Variants in C9orf85 observed in about 807,000 individuals in gnomAD.
C9orf85 encodes uncharacterized protein C9orf85.
A neutral mutation model predicts 14.9 loss-of-function variants in C9orf85; 16 were observed. That is an observed-to-expected ratio of 1.08 (90% confidence interval 0.73 to 1.63). The LOEUF (loss-of-function observed/expected upper bound fraction) is 1.63, where lower values mean the gene tolerates loss of function less well. Ranked by LOEUF, C9orf85 falls within the 40% of genes most tolerant of loss-of-function variation. C9orf85 has a pLI of 0.00. For synonymous variants in C9orf85, 45 were observed against 56.8 expected (o/e 0.79, Z 0.93); for missense variants, 172 against 186.1 (o/e 0.92, Z 0.44).
At chr9:71,916,459 A>G (rs974155003) in intron 1 of C9orf85, among the ~76,000 whole-genome samples, 2 of 152,134 alleles carry the variant, frequency 1.3e-5, no homozygotes, top group African/African-American at 2.4e-5. Flanking sequence ...ACATTGGAAT[A>G]AATCAATGTT....
chr9:71,912,915 T>C (rs1305001370), intron 1 of C9orf85, among the ~76,000 whole-genome samples: 1 of 152,074 alleles, frequency 6.6e-6, no homozygotes, highest in African/African-American at 2.4e-5. Context: ...ATTTGCTCTT[T>C]GCTGTGAATC....
At chr9:71,928,457 G>A (rs747019488) in intron 1 of C9orf85, among the ~76,000 whole-genome samples, 15 of 152,256 alleles carry the variant, frequency 9.9e-5, no homozygotes, top group South Asian at 4.1e-4. Context: ...AGCATAATGC[G>A]GAGTACATAC....
chr9:71,939,659 C>A, intron 1 of C9orf85, among the ~76,000 whole-genome samples: 1 of 151,970 alleles, frequency 6.6e-6, no homozygotes, highest in African/African-American at 2.4e-5. Context: ...AATAGCCAAA[C>A]AATTTTGGAA....
intron 2 of C9orf85, among the ~76,000 whole-genome samples, chr9:71,963,072 T>C (rs547671310): frequency 4.3e-4 from 66 of 152,096 alleles, no homozygotes; most frequent in Non-Finnish European, 8.2e-4. Flanking sequence ...AAAAAAAGGT[T>C]GTGTTACTAT....
intron 1 of C9orf85, among the ~76,000 whole-genome samples, chr9:71,919,757 A>T (rs1827745863): frequency 6.6e-6 from 1 of 152,030 alleles, no homozygotes; most frequent in African/African-American, 2.4e-5. Flanking sequence ...TCTCTCTTTC[A>T]CACAGCATAA....
chr9:71,975,566 C>G (rs1053146989), downstream of C9orf85, among the ~76,000 whole-genome samples: 1 of 152,182 alleles, frequency 6.6e-6, no homozygotes, highest in African/African-American at 2.4e-5. Context: ...GGCGTGTTGC[C>G]TCACGCCTGT....
chr9:71,941,721 G>C (rs532373538), intron 1 of C9orf85: 1 of 152,304 alleles, frequency 6.6e-6, no homozygotes, highest in Admixed American at 6.5e-5. Context: ...AAACAGCTCT[G>C]AAAGCTGTCT....
chr9:71,919,510 A>T (rs1827739054), intron 1 of C9orf85, among the ~76,000 whole-genome samples: 1 of 152,110 alleles, frequency 6.6e-6, no homozygotes, highest in South Asian at 2.1e-4. Flanking sequence ...ATATTCTTTG[A>T]TATGTTTCCC....
chr9:71,933,012 A>G (rs1828106216), intron 1 of C9orf85, among the ~76,000 whole-genome samples: 1 of 152,200 alleles, frequency 6.6e-6, no homozygotes, highest in Admixed American at 6.5e-5. Context: ...GGCATTTTTG[A>G]GCAGCCAGAA....
chr9:71,939,522 G>A (rs1828278252), intron 1 of C9orf85, among the ~76,000 whole-genome samples: 1 of 152,116 alleles, frequency 6.6e-6, no homozygotes, highest in African/African-American at 2.4e-5. Flanking sequence ...TTGTTAAGAT[G>A]TCAGTTCTTC....
chr9:71,927,556 C>G lies in C9orf85; in HGVS notation c.102+15720C>G, dbSNP rs546532561. Among the ~76,000 whole-genome samples, 9 of 152,122 alleles carry G rather than the reference C, an allele frequency of 5.9e-5. No individual in the cohort carries two copies. The South Asian group carries it at 1.9e-3, about 32-fold the overall frequency. On this transcript the variant is annotated intron_variant, in intron 1 of 3. Coordinates refer to ENST00000334731, the MANE Select transcript of C9orf85 (RefSeq NM_182505.5). ...TTGTCTTGTTTGGGTGGTGGAGAAG[C>G]CACAAACAAGAAAAATCAGTATTGC...
At chr9:71,923,037 G>T (rs1476055210) in intron 1 of C9orf85, among the ~76,000 whole-genome samples, 1 of 152,184 alleles carries the variant, frequency 6.6e-6, no homozygotes, top group Non-Finnish European at 1.5e-5. Flanking sequence ...GGCTGGAGTG[G>T]GAGAATTGCA....
At chr9:71,985,615 C>T (rs1034100179), downstream of C9orf85, 6 of 152,268 alleles carry the variant, frequency 3.9e-5, no homozygotes, top group Admixed American at 3.9e-4. Context: ...ACATTAAAAT[C>T]ATCTGGGCAA....
downstream of C9orf85, among the ~76,000 whole-genome samples, chr9:71,976,382 G>A (rs1364780316): frequency 6.6e-6 from 1 of 152,134 alleles, no homozygotes; most frequent in Non-Finnish European, 1.5e-5. Context: ...AAAATTATTG[G>A]CCGGGCACGG....
chr9:71,980,437 C>T lies in C9orf85; in HGVS notation c.324-2220C>T, dbSNP rs562868121. 1.8e-3 allele frequency among the ~76,000 whole-genome samples: 272 copies of T among 152,106 alleles called. 1 individual carries two copies. Among genetic ancestry groups the T allele is most frequent in the African/African-American group, 6.2e-3 (258 of 41,482 alleles). ...AATGAATTGGCCCTGGGGAAATTGC[C>T]GTGACCAGCTGAGGTTAGAAAAGAT... On this transcript the variant is annotated intron_variant, in intron 3 of 3. Coordinates refer to the C9orf85 transcript ENST00000377031.
intron 2 of C9orf85, among the ~76,000 whole-genome samples, chr9:71,963,704 A>C (rs1822596075): frequency 6.6e-6 from 1 of 152,168 alleles, no homozygotes. Flanking sequence ...CAGAGGGTGT[A>C]CTGGGTCCCC....
intron 1 of C9orf85, among the ~76,000 whole-genome samples, chr9:71,938,745 A>T (rs1411950963): frequency 6.6e-6 from 1 of 151,766 alleles, no homozygotes; most frequent in Non-Finnish European, 1.5e-5. Flanking sequence ...TTATGTATAA[A>T]TATAATGGGA....
At chr9:71,970,563 T>C (rs1277418696) in intron 2 of C9orf85, among the ~76,000 whole-genome samples, 1 of 152,178 alleles carries the variant, frequency 6.6e-6, no homozygotes, top group Non-Finnish European at 1.5e-5. Flanking sequence ...CCTATATACG[T>C]CTATTCTTAT....
intron 1 of C9orf85, among the ~76,000 whole-genome samples, chr9:71,939,387 T>C (rs1828275851): frequency 6.6e-6 from 1 of 152,042 alleles, no homozygotes; most frequent in Admixed American, 6.6e-5. Flanking sequence ...TGCATATATA[T>C]TCCAAAATCA....
Sources: allele counts gnomAD v4.1 joint callset (sites outside exome capture counted in the v4.1 genomes callset), GRCh38; gene constraint gnomAD v4.1.1; transcripts MANE v1.5; gene names NCBI Gene and HGNC (gene_info 2026-07-23, HGNC 2026-07-21).